The following ARID1B variants were observed in gnomAD, a reference collection of about 807,000 sequenced individuals.
The protein encoded by ARID1B is AT-rich interaction domain 1B.
A neutral mutation model predicts 212.3 loss-of-function variants in ARID1B; 30 were observed. That is an observed-to-expected ratio of 0.14 (90% confidence interval 0.11 to 0.19). The LOEUF is 0.19. Among genes scored for constraint, ARID1B ranks in the 10% least tolerant of loss-of-function variants. The pLI is 1.00. For synonymous variants in ARID1B, 1,402 were observed against 1,301.7 expected (o/e 1.08, Z -1.66); for missense variants, 2,891 against 3,204.0 (o/e 0.90, Z 2.36).
At chr6:157,111,847 C>G (rs543154278) in intron 6 of ARID1B, among the ~76,000 whole-genome samples, 114 of 152,216 alleles carry the variant, frequency 7.5e-4, no homozygotes, top group Non-Finnish European at 1.4e-3. Context: ...GGTTTTTAAA[C>G]TTCACAGTGT....
intron 2 of ARID1B, among the ~76,000 whole-genome samples, chr6:156,834,054 T>G (rs1783327771): frequency 6.6e-6 from 1 of 152,196 alleles, no homozygotes; most frequent in Non-Finnish European, 1.5e-5. Context: ...TGTTGATCTA[T>G]TCTGGAAAAA....
intron 4 of ARID1B, among the ~76,000 whole-genome samples, chr6:157,054,793 A>G (rs896726197): frequency 3.6e-4 from 55 of 152,238 alleles, no homozygotes; most frequent in African/African-American, 1.3e-3. Flanking sequence ...CAATCATTAT[A>G]CATTTTATTT....
intron 3 of ARID1B, among the ~76,000 whole-genome samples, chr6:156,905,314 A>G (rs1168008788): frequency 6.6e-6 from 1 of 151,058 alleles, no homozygotes; most frequent in Non-Finnish European, 1.5e-5. Flanking sequence ...TCATATGCTT[A>G]TGGAGTTTTG....
At chr6:157,018,956 T>A (rs1780067149) in intron 4 of ARID1B, among the ~76,000 whole-genome samples, 2 of 152,088 alleles carry the variant, frequency 1.3e-5, no homozygotes, top group South Asian at 4.2e-4. Context: ...AGTGAAGGGA[T>A]CTGTATGAAT....
intron 4 of ARID1B, among the ~76,000 whole-genome samples, chr6:157,057,228 C>G (rs899227468): frequency 2.0e-5 from 3 of 152,004 alleles, no homozygotes; most frequent in African/African-American, 7.2e-5. Flanking sequence ...AATCTCCTGA[C>G]GTCATGATCC....
intron 5 of ARID1B, chr6:157,107,653 A>G (rs1029454400): frequency 6.6e-6 from 1 of 152,042 alleles, no homozygotes; most frequent in African/African-American, 2.4e-5. Context: ...TTCCAGTTGT[A>G]TTTTTTTCCA....
intron 4 of ARID1B, among the ~76,000 whole-genome samples, chr6:156,945,747 A>G (rs981850868): frequency 5.3e-5 from 8 of 152,208 alleles, no homozygotes; most frequent in Non-Finnish European, 1.0e-4. Flanking sequence ...GTGTCTGGGC[A>G]TGGTGGCCCA....
chr6:157,039,434 C>T (rs1384664358), intron 4 of ARID1B, among the ~76,000 whole-genome samples: 1 of 149,704 alleles, frequency 6.7e-6, no homozygotes, highest in Non-Finnish European at 1.5e-5. Flanking sequence ...GGGTTCACGC[C>T]ATTCTCCTGC....
chr6:156,910,655 C>T (rs1484835643), intron 3 of ARID1B, among the ~76,000 whole-genome samples: 6 of 152,092 alleles, frequency 3.9e-5, no homozygotes, highest in Non-Finnish European at 2.9e-5. Context: ...CGCATTTTAT[C>T]CAGTATTTTG....
chr6:156,838,783 T>G (rs1383697719), intron 2 of ARID1B, among the ~76,000 whole-genome samples: 1 of 151,840 alleles, frequency 6.6e-6, no homozygotes, highest in Non-Finnish European at 1.5e-5. Context: ...TTATAATCAG[T>G]ATCATAATCA....
intron 8 of ARID1B, among the ~76,000 whole-genome samples, chr6:157,152,948 A>G (rs1396092805): frequency 1.3e-5 from 2 of 152,220 alleles, no homozygotes; most frequent in African/African-American, 4.8e-5. Context: ...AGAATCTGAA[A>G]AGGACAAATT....
chr6:157,029,667 G>C (rs1402272938), intron 4 of ARID1B, among the ~76,000 whole-genome samples: 1 of 152,244 alleles, frequency 6.6e-6, no homozygotes, highest in East Asian at 1.9e-4. Flanking sequence ...TAATTCAGGA[G>C]GAGGGAGCAG....
intron 2 of ARID1B, among the ~76,000 whole-genome samples, chr6:156,844,923 C>G (rs1045110354): frequency 3.9e-5 from 6 of 152,172 alleles, no homozygotes; most frequent in Non-Finnish European, 7.3e-5. Flanking sequence ...TATCCTCAAG[C>G]TCTGATAGAA....
intron 4 of ARID1B, among the ~76,000 whole-genome samples, chr6:157,083,462 G>A (rs1288627467): frequency 6.6e-6 from 1 of 152,246 alleles, no homozygotes; most frequent in Non-Finnish European, 1.5e-5. Flanking sequence ...GGGCACACCA[G>A]TGATGCAGGC....
chr6:156,909,861 T>A (rs1789725190), intron 3 of ARID1B, among the ~76,000 whole-genome samples: 1 of 152,362 alleles, frequency 6.6e-6, no homozygotes, highest in South Asian at 2.1e-4. Context: ...ATCCTCCTTT[T>A]GAGCGAAGAG....
intron 13 of ARID1B, among the ~76,000 whole-genome samples, chr6:157,188,688 G>C (rs887900258): frequency 6.6e-6 from 1 of 152,168 alleles, no homozygotes; most frequent in Non-Finnish European, 1.5e-5. Flanking sequence ...TATCAGTTTG[G>C]TCCACTGGTG....
chr6:157,149,909 T>C (rs1420431428), intron 8 of ARID1B: 5 of 152,226 alleles, frequency 3.3e-5, no homozygotes, highest in Non-Finnish European at 7.3e-5. Context: ...CCCTCCAGTC[T>C]TATTGTTTTT....
At chr6:157,132,293 C>T (rs1443729961) in intron 6 of ARID1B, among the ~76,000 whole-genome samples, 1 of 152,154 alleles carries the variant, frequency 6.6e-6, no homozygotes, top group South Asian at 2.1e-4. Context: ...GTGGGCGTCC[C>T]ATGTGTCTGA....
intron 4 of ARID1B, among the ~76,000 whole-genome samples, chr6:157,003,649 A>G (rs764414763): frequency 3.3e-5 from 5 of 152,200 alleles, no homozygotes; most frequent in Admixed American, 6.5e-5. Flanking sequence ...CTTACAGTGA[A>G]GTGTTAATGG....
Sources: allele counts gnomAD v4.1 joint callset (sites outside exome capture counted in the v4.1 genomes callset), GRCh38; gene constraint gnomAD v4.1.1; transcripts MANE v1.5; gene names NCBI Gene and HGNC (gene_info 2026-07-23, HGNC 2026-07-21).